The following CNTN6 variants were observed in gnomAD, a reference collection of about 807,000 sequenced individuals.
The protein encoded by CNTN6 is contactin 6.
Under a neutral mutation model 122.8 loss-of-function variants are expected in CNTN6, and 137 were observed. The observed-to-expected ratio is 1.12, with a 90% CI of 0.97 to 1.29. The LOEUF (loss-of-function observed/expected upper bound fraction) is 1.29, where lower values mean the gene tolerates loss of function less well. Among genes scored for constraint, CNTN6 ranks in the 50% most tolerant of loss-of-function variants. The probability of loss-of-function intolerance (pLI) is 0.00; values close to 1 mark genes in which losing one functional copy is unlikely to be tolerated. For missense variants in CNTN6, 1,634 were observed against 1,223.4 expected (o/e 1.34, Z -5.01); for synonymous variants, 570 against 426.0 (o/e 1.34, Z -4.16).
At chr3:1,255,753 G>A (rs1377206990) in intron 4 of CNTN6, among the ~76,000 whole-genome samples, 1 of 152,072 alleles carries the variant, frequency 6.6e-6, no homozygotes, top group East Asian at 1.9e-4. Context: ...ACCTACTGCA[G>A]CTTCAAACTC....
chr3:1,204,183 C>G (rs1488795243), intron 2 of CNTN6, among the ~76,000 whole-genome samples: 1 of 152,168 alleles, frequency 6.6e-6, no homozygotes, highest in Admixed American at 6.5e-5. Flanking sequence ...AATGACATTT[C>G]AGAGAGACAC....
chr3:1,211,951 A>G (rs75808937), intron 2 of CNTN6, among the ~76,000 whole-genome samples: 10,540 of 152,228 alleles, frequency 0.069, 455 homozygotes, highest in Middle Eastern at 0.11. Flanking sequence ...CTACTTCTCC[A>G]TGAAATGGTT....
intron 1 of CNTN6, among the ~76,000 whole-genome samples, chr3:1,143,427 A>C (rs1280042006): frequency 6.6e-6 from 1 of 152,122 alleles, no homozygotes; most frequent in Admixed American, 6.5e-5. Flanking sequence ...AGGTTCTAGA[A>C]GTTTCTTTAA....
chr3:1,335,809 G>T (rs952350365), intron 11 of CNTN6, among the ~76,000 whole-genome samples: 1 of 152,062 alleles, frequency 6.6e-6, no homozygotes, highest in South Asian at 2.1e-4. Flanking sequence ...TAGAAGGACT[G>T]CTTGAGTTCA....
At chr3:1,106,220 A>G (rs2091212966) in intron 1 of CNTN6, among the ~76,000 whole-genome samples, 1 of 152,178 alleles carries the variant, frequency 6.6e-6, no homozygotes, top group Non-Finnish European at 1.5e-5. Flanking sequence ...AGACAGGTAA[A>G]GTATACACAA....
chr3:1,256,631 T>A (rs904427643), intron 4 of CNTN6, among the ~76,000 whole-genome samples: 1 of 152,056 alleles, frequency 6.6e-6, no homozygotes, highest in Non-Finnish European at 1.5e-5. Context: ...GTAGTTGAAG[T>A]CACCAGGAGT....
At chr3:1,359,422 C>G (rs1459758131) in intron 12 of CNTN6, among the ~76,000 whole-genome samples, 3 of 152,012 alleles carry the variant, frequency 2.0e-5, no homozygotes, top group Middle Eastern at 6.3e-3. Flanking sequence ...AATGCTTTCT[C>G]TAGACTGGTT....
chr3:1,094,373 C>G (rs2090408053), intron 1 of CNTN6, among the ~76,000 whole-genome samples: 1 of 151,950 alleles, frequency 6.6e-6, no homozygotes, highest in Non-Finnish European at 1.5e-5. Context: ...AATACAGAAG[C>G]ATTTCATCTT....
Position 1,325,803 on chromosome 3 carries a change from T to A in CNTN6, c.947-12T>A. The A allele has an allele frequency of 6.2e-7, 1 of 1,608,668 alleles. No individual in the cohort carries two copies. The highest frequency in any genetic ancestry group is 8.5e-7 in the Non-Finnish European group (1 of 1,177,382). ...CTTTTACCAAACAGTGGCACTTGCC[T>A]TTTTGAAACAGCTCCTCCAGAATGG... On this transcript the variant is annotated splice_polypyrimidine_tract_variant and intron_variant, in intron 8 of 22. Transcript: ENST00000446702.
chr3:1,260,807 G>A (rs910837527), intron 4 of CNTN6, among the ~76,000 whole-genome samples: 1 of 152,000 alleles, frequency 6.6e-6, no homozygotes, highest in Non-Finnish European at 1.5e-5. Context: ...TGTAAAGAAG[G>A]ACGTGTATGC....
At chr3:1,238,268 C>T (rs2094444758) in intron 4 of CNTN6, among the ~76,000 whole-genome samples, 1 of 152,026 alleles carries the variant, frequency 6.6e-6, no homozygotes, top group African/African-American at 2.4e-5. Flanking sequence ...AAATGGACAC[C>T]AAAAGCAAGC....
chr3:1,137,097 A>G (rs1227503954), intron 1 of CNTN6, among the ~76,000 whole-genome samples: 1 of 152,066 alleles, frequency 6.6e-6, no homozygotes, highest in African/African-American at 2.4e-5. Context: ...ATCTTGTCAC[A>G]CAATCTTAAA....
intron 1 of CNTN6, among the ~76,000 whole-genome samples, chr3:1,099,222 C>A (rs1006685967): frequency 6.6e-6 from 1 of 152,022 alleles, no homozygotes; most frequent in African/African-American, 2.4e-5. Context: ...GAGGCCGAGG[C>A]GGGCGGATCA....
intron 2 of CNTN6, among the ~76,000 whole-genome samples, chr3:1,190,526 A>C (rs1415241889): frequency 6.6e-6 from 1 of 152,186 alleles, no homozygotes; most frequent in Non-Finnish European, 1.5e-5. Context: ...GTTGTTTGAC[A>C]GGTTATGAAC....
At position 1,271,703 on chromosome 3, in the gene CNTN6, C is replaced by T. The variant is rs1214842588; in HGVS notation, c.359-6710C>T. Among the ~76,000 whole-genome samples the T allele has an allele frequency of 5.3e-5, 8 of 152,158 alleles. No individual in the cohort carries two copies. In the East Asian group the frequency reaches 1.5e-3, roughly 29 times the overall value. On this transcript the variant is annotated intron_variant, in intron 4 of 22. Transcript: ENST00000446702. Reference sequence around the variant, plus strand: ...GAAACAGAGCCACTTCTAGAAACTACAAATTCTTGGGGGAGAGAAAGCACC... The same window carrying T: ...GAAACAGAGCCACTTCTAGAAACTATAAATTCTTGGGGGAGAGAAAGCACC...
chr3:1,286,383 G>T (rs995813092), intron 5 of CNTN6, among the ~76,000 whole-genome samples: 2 of 151,886 alleles, frequency 1.3e-5, no homozygotes, highest in African/African-American at 2.4e-5. Flanking sequence ...GTGTGTGATG[G>T]GCCCCTCCCT....
chr3:1,299,122 T>A (rs1472861690), intron 7 of CNTN6, among the ~76,000 whole-genome samples: 1 of 152,200 alleles, frequency 6.6e-6, no homozygotes, highest in African/African-American at 2.4e-5. Flanking sequence ...GAGACCGTAT[T>A]TTATTTTCAT....
intron 11 of CNTN6, among the ~76,000 whole-genome samples, chr3:1,336,641 G>A (rs1703109730): frequency 1.3e-5 from 2 of 152,126 alleles, no homozygotes; most frequent in East Asian, 1.9e-4. Flanking sequence ...TAATGCTACT[G>A]TTAAAACCTG....
intron 14 of CNTN6, among the ~76,000 whole-genome samples, chr3:1,373,181 A>G (rs1469773523): frequency 6.6e-6 from 1 of 152,140 alleles, no homozygotes; most frequent in Admixed American, 6.6e-5. Context: ...ACTATCATGA[A>G]CGGTCACGCT....
Sources: gnomAD v4.1 joint callset for allele counts (sites outside exome capture counted in the v4.1 genomes callset) on GRCh38, gnomAD v4.1.1 for gene constraint, MANE v1.5 for transcripts, NCBI Gene and HGNC (gene_info 2026-07-23, HGNC 2026-07-21) for gene names.